SNX25: variants seen among roughly 807,000 people sequenced by gnomAD.
SNX25 encodes sorting nexin-25.
Under a neutral mutation model 113.7 loss-of-function variants are expected in SNX25, and 62 were observed. That is an observed-to-expected ratio of 0.55 (90% CI 0.44 to 0.67). The LOEUF (loss-of-function observed/expected upper bound fraction) is 0.67, where lower values mean the gene tolerates loss of function less well. Ranked by LOEUF, SNX25 falls within the 30% of genes least tolerant of loss-of-function variation. SNX25 has a pLI of 0.00. For missense variants in SNX25, 1,014 were observed against 1,161.0 expected (o/e 0.87, Z 1.84); for synonymous variants, 421 against 436.2 (o/e 0.97, Z 0.43).
intron 16 of SNX25, among the ~76,000 whole-genome samples, chr4:185,358,271 A>G (rs1295379386): frequency 6.6e-6 from 1 of 152,216 alleles, no homozygotes; most frequent in African/African-American, 2.4e-5. Flanking sequence ...GCACTGTTAC[A>G]AGCCATATGT....
At chr4:185,374,601 G>T, downstream of SNX25, 1 of 884,942 alleles carries the variant, frequency 1.1e-6, no homozygotes. Context: ...GGGTACAATT[G>T]TCCTGGATTC....
chr4:185,361,843 CT>C (rs2095365756), intron 16 of SNX25, 80 bp from the exon 17 acceptor site: 1 of 1,368,610 alleles, frequency 7.3e-7, no homozygotes, highest in Non-Finnish European at 1.0e-6. Flanking sequence ...GTATCTTAAC[CT>C]TCGTATTGAT....
At chr4:185,253,658 G>A (rs933552595) in intron 2 of SNX25, among the ~76,000 whole-genome samples, 3 of 151,934 alleles carry the variant, frequency 2.0e-5, no homozygotes, top group Non-Finnish European at 4.4e-5. Context: ...TAGTAGAGAT[G>A]GGGTTTCACC....
chr4:185,292,869 C>T (rs1752373795), intron 6 of SNX25, among the ~76,000 whole-genome samples: 2 of 152,210 alleles, frequency 1.3e-5, no homozygotes, highest in Non-Finnish European at 2.9e-5. Flanking sequence ...GAGCTGTGAT[C>T]ATACCACTGT....
At chr4:185,362,355 A>G in intron 17 of SNX25, 6 of 984,456 alleles carry the variant, frequency 6.1e-6, no homozygotes, top group Non-Finnish European at 6.0e-6. Flanking sequence ...GTGTTTTGAG[A>G]GCTTAATTTT....
chr4:185,299,991 A>T (rs556252164), intron 6 of SNX25, among the ~76,000 whole-genome samples: 7 of 152,282 alleles, frequency 4.6e-5, no homozygotes, highest in Admixed American at 2.0e-4. Context: ...ATTCATTTTT[A>T]AAAATTGTAT....
intron 6 of SNX25, among the ~76,000 whole-genome samples, chr4:185,290,427 C>T (rs895412022): frequency 4.6e-5 from 7 of 152,304 alleles, no homozygotes; most frequent in South Asian, 2.1e-4. Context: ...GCCTTGGAGC[C>T]GTTTTGCCTG....
chr4:185,285,114 A>G (rs564052280), intron 5 of SNX25, among the ~76,000 whole-genome samples: 1 of 152,212 alleles, frequency 6.6e-6, no homozygotes, highest in Non-Finnish European at 1.5e-5. Flanking sequence ...ACTGCCATTC[A>G]TTTCATCTCT....
At chr4:185,223,153 C>T (rs1740261507) in intron 1 of SNX25, among the ~76,000 whole-genome samples, 2 of 152,180 alleles carry the variant, frequency 1.3e-5, no homozygotes, top group African/African-American at 4.8e-5. Flanking sequence ...ATATCAGCAC[C>T]TTCTCTCCCA....
chr4:185,351,647 T>C, intron 14 of SNX25, 38 bp downstream of exon 14: 1 of 1,600,464 alleles, frequency 6.2e-7, no homozygotes, highest in Middle Eastern at 1.7e-4. Context: ...TTGTAGTGTA[T>C]TTCAGCAGAT....
At chr4:185,332,177 T>C (rs1393237876) in intron 9 of SNX25, among the ~76,000 whole-genome samples, 1 of 152,226 alleles carries the variant, frequency 6.6e-6, no homozygotes, top group African/African-American at 2.4e-5. Flanking sequence ...ATATGGTAAT[T>C]TTCTTTTAGA....
intron 17 of SNX25, chr4:185,362,361 A>C: frequency 1.0e-6 from 1 of 982,530 alleles, no homozygotes; most frequent in African/African-American, 1.7e-5. Flanking sequence ...TGAGAGCTTA[A>C]TTTTTAGCAA....
At chr4:185,310,544 T>A (rs1368742375) in intron 6 of SNX25, 91 bp from the exon 7 acceptor site, 2 of 1,125,550 alleles carry the variant, frequency 1.8e-6, no homozygotes, top group African/African-American at 1.5e-5. Context: ...TGGTTCAGAA[T>A]GCCCACAGCA....
chr4:185,235,307 CT>C (rs2126426782), intron 1 of SNX25, among the ~76,000 whole-genome samples: 1 of 152,342 alleles, frequency 6.6e-6, no homozygotes, highest in East Asian at 1.9e-4. Flanking sequence ...CAGATGTAGG[CT>C]TTTGGAAGCT....
At chr4:185,252,432 A>T (rs752396999) in intron 2 of SNX25, among the ~76,000 whole-genome samples, 1 of 152,192 alleles carries the variant, frequency 6.6e-6, no homozygotes, top group Non-Finnish European at 1.5e-5. Flanking sequence ...CATTTGCAAA[A>T]CATTAAACAA....
chr4:185,228,048 G>A (rs1320712087), intron 1 of SNX25, among the ~76,000 whole-genome samples: 1 of 152,154 alleles, frequency 6.6e-6, no homozygotes. Context: ...AGGGAGGACC[G>A]AGGGTGTGCC....
At chr4:185,287,255 AG>A (rs1482537628) in intron 5 of SNX25, among the ~76,000 whole-genome samples, 3 of 152,230 alleles carry the variant, frequency 2.0e-5, no homozygotes, top group Non-Finnish European at 4.4e-5. Context: ...AGGTCTTCTT[AG>A]GCACACATAT....
chr4:185,261,154 G>A (rs866399088), intron 3 of SNX25, among the ~76,000 whole-genome samples: 10 of 141,882 alleles, frequency 7.0e-5, no homozygotes, highest in South Asian at 2.3e-4. Flanking sequence ...GTGTGTGTGT[G>A]TGTATGTATG....
intron 1 of SNX25, among the ~76,000 whole-genome samples, chr4:185,239,092 C>T (rs939151070): frequency 3.3e-5 from 5 of 152,140 alleles, no homozygotes; most frequent in African/African-American, 1.2e-4. Context: ...ACGGCTGGTA[C>T]TCTGGAGTAA....
Sources: gnomAD v4.1 joint callset for allele counts (sites outside exome capture counted in the v4.1 genomes callset) on GRCh38, gnomAD v4.1.1 for gene constraint, MANE v1.5 for transcripts, NCBI Gene and HGNC (gene_info 2026-07-23, HGNC 2026-07-21) for gene names.